The following ZNF226 variants were observed in gnomAD, a reference collection of about 807,000 sequenced individuals.
ZNF226 encodes Kruppel-associated box protein.
A neutral mutation model predicts 11.4 loss-of-function variants in ZNF226; 6 were observed. That is an observed-to-expected ratio of 0.53 (90% CI 0.29 to 1.04). The LOEUF (loss-of-function observed/expected upper bound fraction) is 1.04, where lower values mean the gene tolerates loss of function less well. ZNF226 is among the 50% of genes least tolerant of loss of function. The pLI is 0.08. For synonymous variants in ZNF226, 350 were observed against 322.8 expected, an observed-to-expected ratio of 1.08 and a Z score of -0.90; for missense variants, 1,058 against 956.5, an observed-to-expected ratio of 1.11 and a Z score of -1.40.
chr19:44,174,963 C>G lies in ZNF226; in HGVS notation c.236-535C>G, dbSNP rs140730636. The G allele has an allele frequency of 5.8e-5, 93 of 1,608,838 alleles. No individual in the cohort carries two copies. In the African/African-American group the frequency reaches 7.4e-4, roughly 13 times the overall value. ...CAACTTTGCAGCAAAACTGTACTTT[C>G]TAGTTCTTTTTGTATTTCAGATACC... On this transcript the variant is annotated intron_variant, in intron 5 of 5. Transcript: ENST00000337433.
downstream of ZNF226, among the ~76,000 whole-genome samples, chr19:44,179,068 T>TA (rs1425325736): frequency 6.6e-6 from 1 of 152,166 alleles, no homozygotes; most frequent in Non-Finnish European, 1.5e-5. Flanking sequence ...TAATCCCAGT[T>TA]ACTTGGGGTG....
At chr19:44,198,412 G>A in the ZNF226 span, among the ~76,000 whole-genome samples, 1 of 152,138 alleles carries the variant, frequency 6.6e-6, no homozygotes, top group Non-Finnish European at 1.5e-5. Context: ...GAATTGTCCA[G>A]TATCTGAATA....
chr19:44,176,585 C>T lies in ZNF226; in HGVS notation c.1323C>T (p.His441=), dbSNP rs768252995. Residue 441 remains histidine (H), a synonymous_variant, in exon 6 of 6, where the codon CAC becomes CAT. Coordinates refer to ENST00000337433, the MANE Select transcript of ZNF226 (RefSeq NM_001032373.2). ...ATCTTTACATTCATCAGAGAGTCCACACAGGAGAAAAACCCTATAAATGTG... is the reference window on the plus strand; with the variant it reads ...ATCTTTACATTCATCAGAGAGTCCATACAGGAGAAAAACCCTATAAATGTG... The part of the protein sequence containing the change: ...SSNLYIHQRV[H]TGEKPYKCEE... 1.9e-6 allele frequency: 3 copies of T among 1,614,066 alleles called. No homozygotes were observed. The highest frequency in any genetic ancestry group is 4.5e-5 in the East Asian group (2 of 44,848).
At chr19:44,178,633 C>T (rs1362475597), downstream of ZNF226, among the ~76,000 whole-genome samples, 1 of 151,858 alleles carries the variant, frequency 6.6e-6, no homozygotes, top group East Asian at 1.9e-4. Context: ...ACCCTTTTTC[C>T]TAGTGGTGGC....
chr19:44,185,818 C>G, the ZNF226 span, among the ~76,000 whole-genome samples: 1 of 152,058 alleles, frequency 6.6e-6, no homozygotes, highest in Non-Finnish European at 1.5e-5. Context: ...TTGTGATAGC[C>G]AAGAAATAAT....
chr19:44,185,080 G>C, the ZNF226 span, among the ~76,000 whole-genome samples: 2 of 152,278 alleles, frequency 1.3e-5, no homozygotes, highest in East Asian at 3.9e-4. Flanking sequence ...GATTAATGTC[G>C]TGCCATGTGG....
intron 5 of ZNF226, chr19:44,173,295 CTCTT>C (rs1970328248): frequency 8.2e-6 from 3 of 363,686 alleles, no homozygotes; most frequent in East Asian, 4.2e-5. Flanking sequence ...CTTCTATACT[CTCTT>C]TCTGTGAATT....
At chr19:44,180,220 A>G (rs949676513), downstream of ZNF226, among the ~76,000 whole-genome samples, 1 of 152,176 alleles carries the variant, frequency 6.6e-6, no homozygotes. Context: ...GGGAGAGAAC[A>G]GCATGATGCC....
At chr19:44,178,922 A>G (rs1253008834), downstream of ZNF226, among the ~76,000 whole-genome samples, 2 of 152,200 alleles carry the variant, frequency 1.3e-5, no homozygotes, top group African/African-American at 4.8e-5. Context: ...GCCCACGTCC[A>G]TAATCCCCGT....
chr19:44,169,870 A>G (rs1357821645), intron 2 of ZNF226, among the ~76,000 whole-genome samples, 165 bp from the exon 3 acceptor site: 2 of 152,212 alleles, frequency 1.3e-5, no homozygotes, highest in Admixed American at 6.5e-5. Context: ...ACTACTGCTG[A>G]AAGGGGTAGT....
the ZNF226 span, among the ~76,000 whole-genome samples, chr19:44,183,633 A>C: frequency 6.6e-6 from 1 of 152,344 alleles, no homozygotes; most frequent in East Asian, 1.9e-4. Flanking sequence ...GATCACCTTC[A>C]TGTTCATATG....
chr19:44,173,766 AAAAG>A (rs779990889), intron 5 of ZNF226: 22 of 152,528 alleles, frequency 1.4e-4, no homozygotes, highest in South Asian at 6.2e-4. Flanking sequence ...AAGAAAAAAA[AAAAG>A]AAAGGCCTCC....
At chr19:44,174,863 C>T in intron 5 of ZNF226, 1 of 923,894 alleles carries the variant, frequency 1.1e-6, no homozygotes, top group Non-Finnish European at 1.6e-6. Flanking sequence ...CCTTTCACCC[C>T]AAGTGATTAT....
rs1555783337 is a variant in ZNF226 at position 44,172,874 on chromosome 19, A to C, written c.157A>C (p.Lys53Gln). Reference sequence around the variant, plus strand: ...CATTTTCACAGGGCATCCACCCTTCAAACAAGATGTATCACCTATAGAAAG... The same window carrying C: ...CATTTTCACAGGGCATCCACCCTTCCAACAAGATGTATCACCTATAGAAAG... ...NLLSVGHPPF[K>Q]QDVSPIERNE... Residue 53 changes from lysine to glutamine, a missense_variant, in exon 5 of 6, where the codon AAA becomes CAA. Transcript: ENST00000337433. The C allele has an allele frequency of 2.5e-6, 4 of 1,603,106 alleles. No individual in the cohort carries two copies. In the South Asian group the frequency reaches 3.4e-5, roughly 14 times the overall value.
downstream of ZNF226, among the ~76,000 whole-genome samples, chr19:44,182,695 T>TA (rs553447696): frequency 2.6e-5 from 4 of 151,558 alleles, no homozygotes; most frequent in Non-Finnish European, 5.9e-5. Context: ...AAATGGGCTT[T>TA]AAAAAAAAAT....
chr19:44,191,676 C>A, the ZNF226 span, among the ~76,000 whole-genome samples: 1 of 151,750 alleles, frequency 6.6e-6, no homozygotes, highest in African/African-American at 2.4e-5. Flanking sequence ...TTAATTAAAA[C>A]AGAATCACAG....
chr19:44,177,988 C>A (rs1368706228), downstream of ZNF226: 1 of 226,692 alleles, frequency 4.4e-6, no homozygotes, highest in African/African-American at 2.3e-5. Flanking sequence ...CATAATCTTA[C>A]CATTGCCATA....
chr19:44,181,081 T>C (rs1970900002), downstream of ZNF226, among the ~76,000 whole-genome samples: 1 of 152,188 alleles, frequency 6.6e-6, no homozygotes, highest in East Asian at 1.9e-4. Context: ...CTTTGTGAAC[T>C]ATCAAGTTTC....
downstream of ZNF226, among the ~76,000 whole-genome samples, chr19:44,182,711 G>A (rs550511673): frequency 6.6e-6 from 1 of 152,276 alleles, no homozygotes; most frequent in Non-Finnish European, 1.5e-5. Flanking sequence ...AAAATTCAAT[G>A]AGGATGATGG....
Sources: allele counts gnomAD v4.1 joint callset (sites outside exome capture counted in the v4.1 genomes callset), GRCh38; gene constraint gnomAD v4.1.1; transcripts MANE v1.5; gene names NCBI Gene and HGNC (gene_info 2026-07-23, HGNC 2026-07-21).